BCAS1: variants seen among roughly 807,000 people sequenced by gnomAD.
The protein encoded by BCAS1 is breast carcinoma-amplified sequence 1.
BCAS1 carries 46 observed loss-of-function variants against 65.4 expected under a neutral mutation model. The observed-to-expected ratio is 0.70, with a 90% CI of 0.55 to 0.90. BCAS1 has a LOEUF of 0.90. Ranked by LOEUF, BCAS1 falls within the 40% of genes least tolerant of loss-of-function variation. The pLI, the probability that BCAS1 is intolerant of heterozygous loss-of-function variation, is 0.00. For missense variants in BCAS1, 793 were observed against 771.2 expected, an observed-to-expected ratio of 1.03 and a Z score of -0.33; for synonymous variants, 298 against 293.5, an observed-to-expected ratio of 1.02 and a Z score of -0.16.
intron 9 of BCAS1, among the ~76,000 whole-genome samples, chr20:53,967,694 G>C (rs1489557951): frequency 1.3e-5 from 2 of 152,228 alleles, no homozygotes; most frequent in Non-Finnish European, 2.9e-5. Context: ...TGGCTAAGTT[G>C]TTCGCGGCCC....
chr20:53,964,991 A>G (rs2089988760), intron 10 of BCAS1, among the ~76,000 whole-genome samples: 1 of 151,950 alleles, frequency 6.6e-6, no homozygotes, highest in East Asian at 1.9e-4. Context: ...TGGGGATCCC[A>G]TTTGTAAGTT....
At chr20:54,024,638 G>C (rs1480278994) in intron 4 of BCAS1, among the ~76,000 whole-genome samples, 2 of 152,140 alleles carry the variant, frequency 1.3e-5, no homozygotes, top group African/African-American at 2.4e-5. Context: ...GTGAACCCTG[G>C]GGAAGTCCAA....
intron 8 of BCAS1, among the ~76,000 whole-genome samples, chr20:53,976,686 T>C (rs1398985160): frequency 6.6e-6 from 1 of 152,232 alleles, no homozygotes; most frequent in African/African-American, 2.4e-5. Context: ...TTTCCCCTGC[T>C]ATGATGACTT....
At chr20:53,975,835 G>GA (rs1297259156) in intron 8 of BCAS1, among the ~76,000 whole-genome samples, 4 of 152,082 alleles carry the variant, frequency 2.6e-5, no homozygotes, top group Admixed American at 6.6e-5. Flanking sequence ...AGCTACTCAG[G>GA]AAAATTCTGG....
At chr20:53,947,246 C>A (rs1026073864) in intron 12 of BCAS1, among the ~76,000 whole-genome samples, 1 of 152,104 alleles carries the variant, frequency 6.6e-6, no homozygotes, top group Non-Finnish European at 1.5e-5. Flanking sequence ...TTAGTATATG[C>A]AATGTACTTT....
intron 8 of BCAS1, among the ~76,000 whole-genome samples, chr20:53,984,632 A>T (rs1469269373): frequency 2.0e-5 from 3 of 152,192 alleles, no homozygotes; most frequent in African/African-American, 7.2e-5. Flanking sequence ...AACAGACAAA[A>T]GCTCTGCACA....
intron 4 of BCAS1, among the ~76,000 whole-genome samples, chr20:54,023,587 A>C (rs1191763178): frequency 6.6e-6 from 1 of 152,206 alleles, no homozygotes; most frequent in Non-Finnish European, 1.5e-5. Context: ...AAACAGAGAG[A>C]GAAAGGGACA....
intron 10 of BCAS1, among the ~76,000 whole-genome samples, chr20:53,957,816 G>A (rs2089749112): frequency 6.6e-6 from 1 of 151,990 alleles, no homozygotes; most frequent in South Asian, 2.1e-4. Flanking sequence ...ATTAAATGAA[G>A]ACTGAATGAA....
At chr20:53,994,363 G>A (rs988714930) in intron 6 of BCAS1, among the ~76,000 whole-genome samples, 2 of 152,200 alleles carry the variant, frequency 1.3e-5, no homozygotes, top group Non-Finnish European at 2.9e-5. Context: ...TTCAAACCAA[G>A]TTTATTTTGA....
intron 3 of BCAS1, among the ~76,000 whole-genome samples, chr20:54,044,515 C>T (rs1304323220): frequency 1.3e-5 from 2 of 152,104 alleles, no homozygotes; most frequent in African/African-American, 4.8e-5. Context: ...AACAGAAATG[C>T]CAATGTTTTA....
intron 3 of BCAS1, among the ~76,000 whole-genome samples, chr20:54,031,852 A>G (rs1968359257): frequency 1.3e-5 from 2 of 151,188 alleles, no homozygotes; most frequent in Admixed American, 6.6e-5. Flanking sequence ...TACCAAATCT[A>G]TGATTGATTG....
intron 8 of BCAS1, among the ~76,000 whole-genome samples, chr20:53,979,755 T>C (rs2090430487): frequency 6.6e-6 from 1 of 152,242 alleles, no homozygotes; most frequent in Non-Finnish European, 1.5e-5. Flanking sequence ...CATGGATTCA[T>C]GTATGTTCAG....
intron 12 of BCAS1, among the ~76,000 whole-genome samples, chr20:53,946,891 A>G (rs1178473075): frequency 3.9e-5 from 6 of 151,942 alleles, no homozygotes; most frequent in African/African-American, 1.4e-4. Flanking sequence ...AATATACATG[A>G]TATCGTATAA....
chr20:53,978,074 G>A lies in BCAS1; in HGVS notation c.1276-2644C>T, dbSNP rs191501587. Among the ~76,000 whole-genome samples, 991 of 123,098 alleles carry A rather than the reference G, an allele frequency of 8.1e-3. 10 individuals are homozygous for A. Among genetic ancestry groups the A allele is most frequent in the Middle Eastern group, 0.045 (6 of 134 alleles). The allele number at this position is 123,098 out of a possible 152,430, so 80.8% of individuals were successfully genotyped here. On this transcript the variant is annotated intron_variant, in intron 8 of 12. Coordinates refer to ENST00000688948, the MANE Select transcript of BCAS1 (RefSeq NM_001366298.2). ...CCCACAACAGTCCCCAGAGTGTGAT[G>A]TTCCCCTTCCTGTGTCCATGTGTTC...
At chr20:54,052,327 A>G (rs1018845404) in intron 3 of BCAS1, among the ~76,000 whole-genome samples, 2 of 152,180 alleles carry the variant, frequency 1.3e-5, no homozygotes, top group African/African-American at 4.8e-5. Context: ...TGCCCTTTCT[A>G]GAATTTTATA....
At chr20:54,026,867 C>G (rs1405762665) in intron 4 of BCAS1, among the ~76,000 whole-genome samples, 4 of 152,250 alleles carry the variant, frequency 2.6e-5, no homozygotes, top group South Asian at 2.1e-4. Flanking sequence ...TCTGCTCCCC[C>G]AGCACAGCAC....
intron 9 of BCAS1, among the ~76,000 whole-genome samples, chr20:53,973,154 G>C (rs1820319025): frequency 6.6e-6 from 1 of 152,174 alleles, no homozygotes; most frequent in African/African-American, 2.4e-5. Flanking sequence ...CTTGAACCTG[G>C]GTGGGTGGAG....
chr20:54,067,929 C>T (rs1251843569), intron 1 of BCAS1, among the ~76,000 whole-genome samples: 1 of 152,260 alleles, frequency 6.6e-6, no homozygotes, highest in African/African-American at 2.4e-5. Context: ...CAGAACCAGC[C>T]CTCTGCCCCC....
intron 11 of BCAS1, among the ~76,000 whole-genome samples, chr20:53,954,711 C>T (rs1275775564): frequency 6.6e-6 from 1 of 152,096 alleles, no homozygotes; most frequent in Non-Finnish European, 1.5e-5. Flanking sequence ...ATTTCTCCAG[C>T]TGCAAAAGCA....
Sources: allele counts gnomAD v4.1 joint callset (sites outside exome capture counted in the v4.1 genomes callset), GRCh38; gene constraint gnomAD v4.1.1; transcripts MANE v1.5; gene names NCBI Gene and HGNC (gene_info 2026-07-23, HGNC 2026-07-21).